Variants in KIF13A observed in about 807,000 individuals in gnomAD.
The protein encoded by KIF13A is kinesin-like protein KIF13A.
KIF13A carries 79 observed loss-of-function variants against 212.2 expected under a neutral mutation model. The ratio of observed to expected loss-of-function variants is 0.37; its 90% CI spans 0.31 to 0.45. The LOEUF (loss-of-function observed/expected upper bound fraction) is 0.45. KIF13A is among the 20% of genes least tolerant of loss of function. KIF13A has a pLI of 1.00. For synonymous variants in KIF13A, 789 were observed against 808.6 expected (o/e 0.98, Z 0.41); for missense variants, 1,901 against 2,209.0 (o/e 0.86, Z 2.79).
chr6:17,840,605 G>A (rs545411875), intron 9 of KIF13A, among the ~76,000 whole-genome samples: 7 of 152,124 alleles, frequency 4.6e-5, no homozygotes, highest in South Asian at 4.2e-4. Context: ...ATCCATCACC[G>A]AGAGAAGACT....
chr6:17,866,381 T>G (rs1769372650), intron 4 of KIF13A, among the ~76,000 whole-genome samples: 1 of 152,086 alleles, frequency 6.6e-6, no homozygotes, highest in Non-Finnish European at 1.5e-5. Flanking sequence ...TTAGGAGTCA[T>G]ATTGAATGAC....
At chr6:17,941,750 T>C (rs1472600338) in intron 2 of KIF13A, among the ~76,000 whole-genome samples, 1 of 150,180 alleles carries the variant, frequency 6.7e-6, no homozygotes, top group Non-Finnish European at 1.5e-5. Flanking sequence ...CAGTCTGTGG[T>C]ACTATGCTAT....
rs1219433159 is a variant in KIF13A at position 17,926,673 on chromosome 6, T to C, written c.147-28493A>G. Among the ~76,000 whole-genome samples the C allele has an allele frequency of 6.6e-6, 1 of 152,166 alleles. No individual in the cohort carries two copies. ...CGGACTAATAAGAAGGAGACTGAAA[T>C]TTTCTTTGACGTAAAAATTACTTAT... On this transcript the variant is annotated intron_variant, in intron 2 of 38. Coordinates refer to ENST00000259711, the MANE Select transcript of KIF13A (RefSeq NM_022113.6). The surrounding 1 kb of genome is among the most constrained non-coding windows in gnomAD (Gnocchi z 4.3).
intron 35 of KIF13A, among the ~76,000 whole-genome samples, chr6:17,774,039 C>T (rs1581871078): frequency 6.6e-6 from 1 of 152,102 alleles, no homozygotes; most frequent in Non-Finnish European, 1.5e-5. Flanking sequence ...GGTTACTCTA[C>T]CTATATTTGA....
chr6:17,842,805 A>G (rs1339434588), intron 9 of KIF13A, among the ~76,000 whole-genome samples: 1 of 152,170 alleles, frequency 6.6e-6, no homozygotes, highest in Non-Finnish European at 1.5e-5. Flanking sequence ...AAGCAAAATA[A>G]AAGCCACTCC....
At position 17,787,058 on chromosome 6, in the gene KIF13A, C is replaced by T. The variant is rs866576640; in HGVS notation, c.3361+718G>A. Among the ~76,000 whole-genome samples the T allele has an allele frequency of 1.5e-4, 23 of 152,184 alleles. No individual in the cohort carries two copies. Among genetic ancestry groups the T allele is most frequent in the African/African-American group, 4.6e-4 (19 of 41,434 alleles). On this transcript the variant is annotated intron_variant, in intron 27 of 38. Coordinates refer to ENST00000259711, the MANE Select transcript of KIF13A (RefSeq NM_022113.6). This position sits in a 1 kb window ranked among gnomAD's most constrained non-coding sequence, Gnocchi z 4.6. ...AGTTGTAGGGGCCACCCTGAACCAG[C>T]GGAGTGCATGGCAATGGCCCAACAG...
chr6:17,845,407 T>C (rs1221155273), intron 9 of KIF13A, among the ~76,000 whole-genome samples: 2 of 152,238 alleles, frequency 1.3e-5, no homozygotes, highest in Admixed American at 1.3e-4. Context: ...AAGTAACATA[T>C]ATGAATTTCT....
chr6:17,882,149 T>A (rs1201654196), intron 3 of KIF13A: 1 of 442,650 alleles, frequency 2.3e-6, no homozygotes, highest in East Asian at 7.1e-5. Context: ...TCCTTTCATT[T>A]GTCCTTTCGA....
intron 6 of KIF13A, among the ~76,000 whole-genome samples, chr6:17,854,109 A>G (rs1767919795): frequency 6.6e-6 from 1 of 152,200 alleles, no homozygotes; most frequent in Non-Finnish European, 1.5e-5. Context: ...CTTGTCACTC[A>G]TAATTTTGGT....
Position 17,963,725 on chromosome 6 carries a change from T to C in KIF13A, c.146+23329A>G, listed in dbSNP as rs1166801389. 3.3e-5 allele frequency among the ~76,000 whole-genome samples: 5 copies of C among 152,068 alleles called. No individual in the cohort carries two copies. Among genetic ancestry groups the C allele is most frequent in the African/African-American group, 1.2e-4 (5 of 41,410 alleles). ...GCACGCGCCACCACGCCCTGCTAAT[T>C]TTTGCATTTTTAGTAGAGACAGGGT... On this transcript the variant is annotated intron_variant, in intron 2 of 38. Transcript: ENST00000259711. This position sits in a 1 kb window ranked among gnomAD's most constrained non-coding sequence, Gnocchi z 4.1.
chr6:17,966,357 T>C (rs1375372276), intron 2 of KIF13A, among the ~76,000 whole-genome samples: 4 of 152,094 alleles, frequency 2.6e-5, no homozygotes, highest in East Asian at 1.9e-4. Context: ...GAGAATACCC[T>C]AGTATACCCA....
intron 29 of KIF13A, among the ~76,000 whole-genome samples, chr6:17,782,870 T>C (rs1760725595): frequency 1.3e-5 from 2 of 152,230 alleles, no homozygotes; most frequent in African/African-American, 4.8e-5. Flanking sequence ...CAAATCTCTG[T>C]AAATGGCCAA....
chr6:17,894,000 C>T (rs540627922), intron 3 of KIF13A, among the ~76,000 whole-genome samples: 26 of 151,740 alleles, frequency 1.7e-4, no homozygotes, highest in African/African-American at 3.9e-4. Flanking sequence ...CCACCACACC[C>T]GGCTAATTTT....
downstream of KIF13A, chr6:17,759,384 ATAC>A (rs1246066881): frequency 6.6e-6 from 1 of 152,214 alleles, no homozygotes; most frequent in African/African-American, 2.4e-5. Flanking sequence ...CAATAGTAAA[ATAC>A]TACAGTCAGC....
At chr6:17,966,443 ATT>A (rs543132119) in intron 2 of KIF13A, among the ~76,000 whole-genome samples, 17,766 of 115,546 alleles carry the variant, frequency 0.15, 1,224 homozygotes, top group African/African-American at 0.23. Context: ...AAGACTCTGA[ATT>A]TTTTTTTTTT....
intron 2 of KIF13A, among the ~76,000 whole-genome samples, chr6:17,969,495 T>C (rs761498067): frequency 2.6e-5 from 4 of 152,240 alleles, no homozygotes; most frequent in Non-Finnish European, 5.9e-5. Flanking sequence ...AAATGATTTC[T>C]GAGGAAATGA....
intron 38 of KIF13A, among the ~76,000 whole-genome samples, chr6:17,767,854 G>A (rs1759148640): frequency 6.6e-6 from 1 of 152,156 alleles, no homozygotes; most frequent in African/African-American, 2.4e-5. Flanking sequence ...AGTAGAAATA[G>A]TTGTAAATTT....
At chr6:17,881,108 T>C (rs935556682) in intron 3 of KIF13A, among the ~76,000 whole-genome samples, 15 of 152,186 alleles carry the variant, frequency 9.9e-5, no homozygotes, top group Admixed American at 9.8e-4. Context: ...CTTCACTGTT[T>C]TCAACAAAAT....
At position 17,912,002 on chromosome 6, in the gene KIF13A, G is replaced by A. The variant is rs946360258; in HGVS notation, c.147-13822C>T. ...TGGTCTTGAACTCCTGAGCTCAGGC[G>A]ATTACCCCGTCTTGGGCTCCCAAAG... On this transcript the variant is annotated intron_variant, in intron 2 of 38. Coordinates refer to ENST00000259711, the MANE Select transcript of KIF13A (RefSeq NM_022113.6). The surrounding 1 kb of genome is among the most constrained non-coding windows in gnomAD (Gnocchi z 4.2). 6.6e-6 allele frequency among the ~76,000 whole-genome samples: 1 copy of A among 152,168 alleles called. No individual in the cohort carries two copies. Among genetic ancestry groups the A allele is most frequent in the Admixed American group, 6.5e-5 (1 of 15,272 alleles).
Sources: gnomAD v4.1 joint callset for allele counts (sites outside exome capture counted in the v4.1 genomes callset) on GRCh38, gnomAD v4.1.1 for gene constraint, Gnocchi (gnomAD v3.1) non-coding constraint, MANE v1.5 for transcripts, NCBI Gene and HGNC (gene_info 2026-07-23, HGNC 2026-07-21) for gene names.